Variants in PRKCD observed in about 807,000 individuals in gnomAD.
PRKCD encodes protein kinase C delta.
Under a neutral mutation model 82.2 loss-of-function variants are expected in PRKCD, and 20 were observed. That is an observed-to-expected ratio of 0.24 (90% CI 0.17 to 0.35). The LOEUF (loss-of-function observed/expected upper bound fraction) is 0.35, where lower values mean the gene tolerates loss of function less well. Among genes scored for constraint, PRKCD ranks in the 10% least tolerant of loss-of-function variants. The pLI, the probability that PRKCD is intolerant of heterozygous loss-of-function variation, is 1.00. For missense variants in PRKCD, 607 were observed against 899.0 expected, an observed-to-expected ratio of 0.68 and a Z score of 4.15; for synonymous variants, 317 against 337.0, an observed-to-expected ratio of 0.94 and a Z score of 0.65.
intron 4 of PRKCD, among the ~76,000 whole-genome samples, chr3:53,180,038 A>G (rs1553667037): frequency 6.6e-6 from 1 of 152,202 alleles, no homozygotes; most frequent in African/African-American, 2.4e-5. Flanking sequence ...AAATGTGCCT[A>G]CCTCAGGGTC....
chr3:53,188,962 A>G, intron 16 of PRKCD, 96 bp from the exon 17 acceptor site: 1 of 1,580,210 alleles, frequency 6.3e-7, no homozygotes, highest in Admixed American at 1.7e-5. Context: ...GCCAAAGCCC[A>G]TAGGCTGAGG....
chr3:53,184,998 T>G, intron 10 of PRKCD, 24 bp downstream of exon 10: 3 of 1,596,542 alleles, frequency 1.9e-6, no homozygotes, highest in Non-Finnish European at 2.6e-6. Flanking sequence ...ATGGGGACCC[T>G]GGACACAGGG....
chr3:53,173,511 T>A (rs891588075), intron 2 of PRKCD: 1 of 152,226 alleles, frequency 6.6e-6, no homozygotes, highest in Non-Finnish European at 1.5e-5. Context: ...AGACAGAGTG[T>A]CACTTTATTG....
chr3:53,192,191 C>T lies in PRKCD; in HGVS notation c.1956C>T (p.Ile652=), dbSNP rs147565728. ...ARLSYSDKNL[I]DSMDQSAFAG... is the part of the protein sequence containing the mutation. ...TCTCCTACAGCGACAAGAACCTCAT[C>T]GACTCCATGGACCAGTCTGCATTCG... Residue 652 remains isoleucine, a synonymous_variant, in exon 19 of 19, where the codon ATC becomes ATT. Transcript: ENST00000330452. The T allele has an allele frequency of 1.1e-4, 184 of 1,614,094 alleles. 2 individuals are homozygous for T. The Middle Eastern group carries it at 4.0e-3, about 35-fold the overall frequency.
chr3:53,161,795 C>T (rs1385994785), intron 1 of PRKCD, among the ~76,000 whole-genome samples: 1 of 151,518 alleles, frequency 6.6e-6, no homozygotes, highest in African/African-American at 2.4e-5. Context: ...AGACCCGATC[C>T]TTCTGTCCCT....
At position 53,181,283 on chromosome 3, in the gene PRKCD, G is replaced by C. The variant is rs782642410; in HGVS notation, c.376+16G>C. 2.5e-6 allele frequency: 4 copies of C among 1,613,462 alleles called. No individual in the cohort carries two copies. The South Asian group carries it at 3.3e-5, about 13-fold the overall frequency. On this transcript the variant is annotated intron_variant, in intron 5 of 18. Coordinates refer to ENST00000330452, the MANE Select transcript of PRKCD (RefSeq NM_006254.4). ...GAGGACGTGGGTAAGAACTCCCTGG[G>C]GGTGGAGGGCTCCCTTGCCGGGTTC...
intron 3 of PRKCD, 47 bp from the exon 4 acceptor site, chr3:53,179,530 G>A: frequency 1.2e-6 from 2 of 1,611,158 alleles, no homozygotes; most frequent in Non-Finnish European, 1.7e-6. Context: ...TACGAGGGAG[G>A]GACAGAGGGG....
At chr3:53,184,092 G>A (rs1397521191) in intron 9 of PRKCD, among the ~76,000 whole-genome samples, 1 of 152,134 alleles carries the variant, frequency 6.6e-6, no homozygotes, top group African/African-American at 2.4e-5. Context: ...CAGCACTTTG[G>A]GAGGCCGAGG....
At chr3:53,190,077 C>T in intron 18 of PRKCD, 76 bp downstream of exon 18, 1 of 1,575,164 alleles carries the variant, frequency 6.3e-7, no homozygotes, top group Non-Finnish European at 8.7e-7. Flanking sequence ...GCATCATTCA[C>T]ACGCTTTCCA....
intron 15 of PRKCD, 30 bp downstream of exon 15, chr3:53,187,432 G>A: frequency 5.6e-6 from 9 of 1,610,546 alleles, no homozygotes; most frequent in Non-Finnish European, 7.6e-6. Context: ...GGGGGCTCTT[G>A]GGAGGGGAGG....
chr3:53,166,174 G>A (rs1553663829), intron 2 of PRKCD, among the ~76,000 whole-genome samples: 1 of 152,154 alleles, frequency 6.6e-6, no homozygotes, highest in Non-Finnish European at 1.5e-5. Context: ...TGGGTTGGGG[G>A]CAGAAGGGAG....
chr3:53,187,275 C>T (rs369364905), intron 14 of PRKCD, 65 bp from the exon 15 acceptor site: 19 of 1,571,646 alleles, frequency 1.2e-5, no homozygotes, highest in Non-Finnish European at 1.7e-5. Context: ...GGGTTGAGGG[C>T]CCGAGGAGAA....
In PRKCD at chr3:53,169,168, A is replaced by C. The variant is rs113091462; in HGVS notation, c.-20+3953A>C. ...CCACTGCCTGAGCTCGTGCACTCCT[A>C]GTGGATGAGGAGCGCTGGGAGGGGA... On this transcript the variant is annotated intron_variant, in intron 2 of 18. Transcript: ENST00000330452. This position sits in a 1 kb window ranked among gnomAD's most constrained non-coding sequence, Gnocchi z 4.7. Among the ~76,000 whole-genome samples, 1,603 of 151,264 alleles carry C rather than the reference A, an allele frequency of 0.011. 30 individuals carry two copies. The highest frequency in any genetic ancestry group is 0.037 in the African/African-American group (1,523 of 41,140).
At chr3:53,187,105 A>C (rs1395878440) in intron 14 of PRKCD, among the ~76,000 whole-genome samples, 2 of 152,214 alleles carry the variant, frequency 1.3e-5, no homozygotes, top group Non-Finnish European at 2.9e-5. Context: ...ATGTACATGC[A>C]TGTAAATGCA....
chr3:53,170,012 A>G (rs1553664561), intron 2 of PRKCD, among the ~76,000 whole-genome samples: 1 of 152,070 alleles, frequency 6.6e-6, no homozygotes, highest in African/African-American at 2.4e-5. Flanking sequence ...AATATCCCCA[A>G]AGTGGGGAAG....
intron 9 of PRKCD, 38 bp from the exon 10 acceptor site, chr3:53,184,836 G>A (rs1209448900): frequency 1.3e-6 from 2 of 1,591,764 alleles, no homozygotes; most frequent in Non-Finnish European, 1.7e-6. Context: ...CCTTGGCTGA[G>A]CTCTGAGACT....
intron 15 of PRKCD, 34 bp downstream of exon 15, chr3:53,187,436 G>T: frequency 6.2e-7 from 1 of 1,608,676 alleles, no homozygotes; most frequent in South Asian, 1.1e-5. Flanking sequence ...GCTCTTGGGA[G>T]GGGAGGCTCC....
chr3:53,188,274 A>G (rs1201832068), intron 15 of PRKCD, among the ~76,000 whole-genome samples: 1 of 149,778 alleles, frequency 6.7e-6, no homozygotes, highest in Non-Finnish European at 1.5e-5. Flanking sequence ...CTCTAAGGAG[A>G]GCCTCATGAT....
rs746605548 is a variant in PRKCD at position 53,183,654 on chromosome 3, C to T, written c.787+73C>T. 3.1e-4 allele frequency: 495 copies of T among 1,583,598 alleles called. 2 individuals are homozygous for T. Among genetic ancestry groups the T allele is most frequent in the Non-Finnish European group, 3.8e-4 (445 of 1,163,494 alleles). On this transcript the variant is annotated intron_variant, in intron 9 of 18. Coordinates refer to ENST00000330452, the MANE Select transcript of PRKCD (RefSeq NM_006254.4). ...GTGCTGCTGTGAATTCCAGCCACCT[C>T]ACGCCACCCTCGCCTCCTCACCTGG...
Sources: allele counts gnomAD v4.1 joint callset (sites outside exome capture counted in the v4.1 genomes callset), GRCh38; gene constraint gnomAD v4.1.1; non-coding constraint Gnocchi (gnomAD v3.1); transcripts MANE v1.5; gene names NCBI Gene and HGNC (gene_info 2026-07-23, HGNC 2026-07-21).